C4orf50: variants seen among roughly 807,000 people sequenced by gnomAD.
C4orf50 encodes chromosome 4 open reading frame 50.
Under a neutral mutation model 77.2 loss-of-function variants are expected in C4orf50, and 80 were observed. The ratio of observed to expected loss-of-function variants is 1.04; its 90% CI spans 0.87 to 1.25. C4orf50 has a LOEUF of 1.25. Ranked by LOEUF, C4orf50 falls within the 50% of genes most tolerant of loss-of-function variation. The pLI, the probability that C4orf50 is intolerant of heterozygous loss-of-function variation, is 0.00. For synonymous variants in C4orf50, 532 were observed against 465.3 expected (o/e 1.14, Z -1.84); for missense variants, 1,257 against 1,152.9 (o/e 1.09, Z -1.31).
At chr4:5,952,466 A>T (rs1490611951), downstream of C4orf50, among the ~76,000 whole-genome samples, 4 of 152,204 alleles carry the variant, frequency 2.6e-5, no homozygotes, top group Non-Finnish European at 5.9e-5. The surrounding 1 kb of genome is among the most constrained non-coding windows in gnomAD (Gnocchi z 4.4). Flanking sequence ...ATGAGCACTG[A>T]CTGGCCCCTC....
exon 28 of C4orf50, chr4:5,989,361 T>C (rs1447864540): frequency 1.3e-6 from 2 of 1,536,092 alleles, no homozygotes; most frequent in South Asian, 1.2e-5. Context: ...GCAGTGTCCC[T>C]GGGTTACCAG....
intron 33 of C4orf50, among the ~76,000 whole-genome samples, chr4:5,962,914 C>A (rs1434129114): frequency 6.6e-6 from 1 of 152,174 alleles, no homozygotes; most frequent in African/African-American, 2.4e-5. Flanking sequence ...GCTTACCATT[C>A]CTCCAAATGC....
chr4:5,987,134 C>A (rs537072172), intron 28 of C4orf50, among the ~76,000 whole-genome samples: 1 of 151,908 alleles, frequency 6.6e-6, no homozygotes, highest in African/African-American at 2.4e-5. Context: ...AATAAGGCCT[C>A]GTACGGTGGC....
At position 6,008,496 on chromosome 4, in the gene C4orf50, G is replaced by C; in HGVS notation, c.463C>G (p.Arg155Gly). Residue 155 changes from arginine to glycine, a missense_variant, in exon 25 of 34, where the codon CGG becomes GGG. Transcript: ENST00000531445. This position sits in a 1 kb window ranked among gnomAD's most constrained non-coding sequence, Gnocchi z 6.0. Reference sequence around the variant, plus strand: ...AACCGCTCCTGCAACCGCCGCAGCCGCCACTGCTGCCGCCTGGCCACGCTC... The same window carrying C: ...AACCGCTCCTGCAACCGCCGCAGCCCCCACTGCTGCCGCCTGGCCACGCTC... 5.0e-6 allele frequency: 2 copies of C among 397,990 alleles called. No homozygotes were observed. The highest frequency in any genetic ancestry group is 7.1e-5 in the East Asian group (2 of 28,036). The allele number at this position is 397,990 out of a possible 1,614,324, so 24.7% of individuals were successfully genotyped here. A position where few individuals can be genotyped will look rare whatever the true frequency, so the allele number is the denominator to read the frequency against.
At chr4:5,934,047 C>T (rs748796254) in intron 7 of C4orf50, among the ~76,000 whole-genome samples, 3 of 152,056 alleles carry the variant, frequency 2.0e-5, no homozygotes, top group Non-Finnish European at 4.4e-5. Flanking sequence ...GGAGCAGCAG[C>T]GTGGTGTAGG....
chr4:5,929,169 T>C (rs1717649520), intron 7 of C4orf50, among the ~76,000 whole-genome samples: 1 of 152,238 alleles, frequency 6.6e-6, no homozygotes, highest in South Asian at 2.1e-4. Flanking sequence ...AACGCACTAT[T>C]ATAAATCATA....
intron 23 of C4orf50, among the ~76,000 whole-genome samples, chr4:6,013,382 C>G (rs6812020): frequency 6.6e-6 from 1 of 152,146 alleles, no homozygotes; most frequent in South Asian, 2.1e-4. Flanking sequence ...GCCTTTCTTT[C>G]TAGTTTTGAG....
chr4:5,914,167 C>A (rs1481550675), intron 7 of C4orf50, among the ~76,000 whole-genome samples: 5 of 151,278 alleles, frequency 3.3e-5, no homozygotes, highest in African/African-American at 1.2e-4. Flanking sequence ...AGAATATGAG[C>A]CAGGAGGTTA....
At chr4:5,993,395 T>C (rs948473857) in intron 26 of C4orf50, among the ~76,000 whole-genome samples, 1 of 152,182 alleles carries the variant, frequency 6.6e-6, no homozygotes, top group East Asian at 1.9e-4. Context: ...ATATGGAGGA[T>C]AATACCATCC....
intron 27 of C4orf50, among the ~76,000 whole-genome samples, chr4:5,991,244 G>GGCCA (rs1319228718): frequency 9.2e-5 from 14 of 152,104 alleles, no homozygotes; most frequent in Non-Finnish European, 1.6e-4. Flanking sequence ...ACTAGTCATA[G>GGCCA]GCCACATGGA....
chr4:5,959,540 C>A, exon 34 of C4orf50: 1 of 1,614,194 alleles, frequency 6.2e-7, no homozygotes. Flanking sequence ...CTTTTTCTTG[C>A]AGACGTTGTG....
At chr4:6,002,324 G>T (rs1721865935) in intron 25 of C4orf50, among the ~76,000 whole-genome samples, 1 of 152,220 alleles carries the variant, frequency 6.6e-6, no homozygotes, top group Admixed American at 6.5e-5. Flanking sequence ...TAGAGCCTCA[G>T]GAGGAAGCAT....
chr4:5,990,242 G>A lies in C4orf50; in HGVS notation c.1804C>T (p.Gln602Ter), dbSNP rs1721186502. 1 of 1,234,808 alleles carries A rather than the reference G, an allele frequency of 8.1e-7. No individual in the cohort carries two copies. Among genetic ancestry groups the A allele is most frequent in the Non-Finnish European group, 1.0e-6 (1 of 988,086 alleles). 76.5% of individuals were successfully genotyped at this position (1,234,808 alleles called of 1,614,324 possible). Residue 602 changes from glutamine to a stop codon, truncating the protein, a stop_gained, in exon 28 of 34, where the codon CAG (glutamine) becomes TAG (stop). Coordinates refer to ENST00000531445, the Ensembl canonical transcript of C4orf50. LOFTEE classifies it high-confidence loss of function. ...GTCTCTGAAGCCCCATTCTGATCCT[G>A]CACGTCCTCTGCAGCTCCAGCCCCA...
intron 7 of C4orf50, among the ~76,000 whole-genome samples, chr4:5,930,638 G>A (rs942319370): frequency 2.6e-5 from 4 of 152,240 alleles, no homozygotes. Context: ...TGAAGCAAGT[G>A]CCTCTGGGGC....
In C4orf50 at chr4:6,018,215, C is replaced by T; in HGVS notation, c.217G>A (p.Glu73Lys). Residue 73 changes from glutamate (E) to lysine (K), a missense_variant, in exon 23 of 34, where the codon GAG becomes AAG. Transcript: ENST00000531445. The surrounding 1 kb of genome is among the most constrained non-coding windows in gnomAD (Gnocchi z 5.1). ...GCTGACAGCTTCTGCTCGGAGGACT[C>T]CAGCTGCCTCCTGAGCGCACCCATA... 1.0e-5 allele frequency: 4 copies of T among 399,042 alleles called. No homozygotes were observed. The highest frequency in any genetic ancestry group is 8.8e-5 in the Admixed American group (2 of 22,734). 24.7% of individuals were successfully genotyped at this position (399,042 alleles called of 1,614,324 possible). A position where few individuals can be genotyped will look rare whatever the true frequency, so the allele number is the denominator to read the frequency against.
At position 6,011,844 on chromosome 4, in the gene C4orf50, C is replaced by T. The variant is rs1188588185; in HGVS notation, c.412G>A (p.Glu138Lys). 1 of 398,970 alleles carries T rather than the reference C, an allele frequency of 2.5e-6. No homozygotes were observed. The allele number at this position is 398,970 out of a possible 1,614,324, so 24.7% of individuals were successfully genotyped here. Residue 138 changes from glutamate to lysine, a missense_variant, in exon 24 of 34, where the codon GAG (glutamate) becomes AAG (lysine). Coordinates refer to ENST00000531445, the Ensembl canonical transcript of C4orf50. This position sits in a 1 kb window ranked among gnomAD's most constrained non-coding sequence, Gnocchi z 4.2. ...GGAAACGGTACCTGGCTGGCCAGCT[C>T]CCCCTGCAGCGCCGCCAGCTTCTCC...
chr4:5,908,431 A>G lies in C4orf50; in HGVS notation c.*2475-10243T>C, dbSNP rs890132712. ...GGGCTCTGTGATGTGACGATTCTAT[A>G]AAACCACAGGAGGCATTCATATGTC... On this transcript the variant is annotated intron_variant, in intron 7 of 7. Coordinates refer to the C4orf50 transcript ENST00000324058. This position sits in a 1 kb window ranked among gnomAD's most constrained non-coding sequence, Gnocchi z 5.6. Among the ~76,000 whole-genome samples, 2 of 152,134 alleles carry G rather than the reference A, an allele frequency of 1.3e-5. No individual in the cohort carries two copies. Among genetic ancestry groups the G allele is most frequent in the Non-Finnish European group, 2.9e-5 (2 of 68,032 alleles).
intron 7 of C4orf50, among the ~76,000 whole-genome samples, chr4:5,922,644 T>C (rs921640298): frequency 6.6e-6 from 1 of 152,162 alleles, no homozygotes; most frequent in Admixed American, 6.5e-5. Flanking sequence ...CTGTAGATGG[T>C]AAGCACCATG....
exon 28 of C4orf50, chr4:5,990,807 G>T (rs1721243522): frequency 2.5e-6 from 1 of 399,158 alleles, no homozygotes; most frequent in South Asian, 1.3e-4. Flanking sequence ...CATCCAAGCT[G>T]GGCTCTGCCA....
Sources: allele counts gnomAD v4.1 joint callset (sites outside exome capture counted in the v4.1 genomes callset), GRCh38; gene constraint gnomAD v4.1.1; non-coding constraint Gnocchi (gnomAD v3.1); transcripts MANE v1.5; gene names NCBI Gene and HGNC (gene_info 2026-07-23, HGNC 2026-07-21).